The following MYO3A variants were observed in gnomAD, a reference collection of about 807,000 sequenced individuals.
MYO3A encodes myosin-IIIa.
A neutral mutation model predicts 192.7 loss-of-function variants in MYO3A; 180 were observed. The observed-to-expected ratio is 0.93, with a 90% CI of 0.83 to 1.06. MYO3A has a LOEUF of 1.06. MYO3A is among the 50% of genes least tolerant of loss of function. The pLI is 0.00. For synonymous variants in MYO3A, 628 were observed against 645.3 expected (o/e 0.97, Z 0.41); for missense variants, 1,896 against 1,905.0 (o/e 1.00, Z 0.09).
chr10:25,983,684 G>A (rs1168200253), intron 4 of MYO3A, among the ~76,000 whole-genome samples: 4 of 152,198 alleles, frequency 2.6e-5, no homozygotes, highest in African/African-American at 7.2e-5. Flanking sequence ...AAACATATTT[G>A]AGGGAATAAT....
chr10:26,015,800 C>G (rs1841952896), intron 6 of MYO3A, among the ~76,000 whole-genome samples: 1 of 152,142 alleles, frequency 6.6e-6, no homozygotes. Context: ...CTGAAACACC[C>G]ATTTGGTTGC....
At chr10:25,950,218 G>A (rs542526761) in intron 2 of MYO3A, among the ~76,000 whole-genome samples, 1 of 152,170 alleles carries the variant, frequency 6.6e-6, no homozygotes, top group South Asian at 2.1e-4. Context: ...CAGTTACCCC[G>A]GCTAGCAATG....
At chr10:26,010,876 AG>A (rs1427315689) in intron 6 of MYO3A, among the ~76,000 whole-genome samples, 23 of 152,350 alleles carry the variant, frequency 1.5e-4, no homozygotes, top group African/African-American at 4.8e-4. Flanking sequence ...GACTTGCTGA[AG>A]GGCACACTTT....
intron 27 of MYO3A, among the ~76,000 whole-genome samples, chr10:26,168,467 C>A (rs151114364): frequency 6.6e-6 from 1 of 152,272 alleles, no homozygotes; most frequent in Admixed American, 6.5e-5. Context: ...TCTCATCCAA[C>A]AAAACCTAGT....
chr10:25,994,895 G>A (rs1441796893), intron 4 of MYO3A, among the ~76,000 whole-genome samples: 3 of 152,142 alleles, frequency 2.0e-5, no homozygotes, highest in African/African-American at 4.8e-5. Flanking sequence ...AGTCTGATGG[G>A]CTTCCCTTTG....
intron 23 of MYO3A, among the ~76,000 whole-genome samples, chr10:26,152,760 A>T (rs1030997074): frequency 4.6e-5 from 7 of 152,184 alleles, no homozygotes; most frequent in African/African-American, 1.7e-4. Context: ...AGTAAGTTTC[A>T]CATTTTGAAA....
At chr10:26,039,566 C>T (rs1432934493) in intron 10 of MYO3A, among the ~76,000 whole-genome samples, 1 of 151,986 alleles carries the variant, frequency 6.6e-6, no homozygotes, top group Non-Finnish European at 1.5e-5. Flanking sequence ...CTCATTACTT[C>T]ATATTGGTCT....
At chr10:25,999,009 T>C (rs527857175) in intron 6 of MYO3A, among the ~76,000 whole-genome samples, 1 of 152,304 alleles carries the variant, frequency 6.6e-6, no homozygotes, top group South Asian at 2.1e-4. Context: ...ACCATTCTCC[T>C]GCCTGAGCCT....
At chr10:26,183,116 T>C (rs755507002) in intron 31 of MYO3A, among the ~76,000 whole-genome samples, 43 of 152,274 alleles carry the variant, frequency 2.8e-4, no homozygotes, top group Non-Finnish European at 5.4e-4. Context: ...CCAGAGGGTG[T>C]ATCTGTGGGT....
chr10:26,130,457 A>G (rs7909349), intron 20 of MYO3A, among the ~76,000 whole-genome samples: 14,829 of 152,208 alleles, frequency 0.097, 795 homozygotes, highest in Non-Finnish European at 0.12. Context: ...CATGATCCCA[A>G]TGCTCTTAAT....
At chr10:25,937,953 C>A (rs1011755959) in intron 2 of MYO3A, among the ~76,000 whole-genome samples, 2 of 152,148 alleles carry the variant, frequency 1.3e-5, no homozygotes, top group Non-Finnish European at 2.9e-5. Context: ...TAAGCTAGAC[C>A]AGATTTCTGT....
chr10:26,176,635 C>T (rs567494522), intron 30 of MYO3A, 66 bp from the exon 31 acceptor site: 245 of 1,475,512 alleles, frequency 1.7e-4, no homozygotes, highest in Non-Finnish European at 2.1e-4. Context: ...TTCCCAGCCC[C>T]CGGTGCCTGC....
intron 10 of MYO3A, among the ~76,000 whole-genome samples, chr10:26,051,924 T>G (rs773555579): frequency 2.6e-5 from 4 of 152,186 alleles, no homozygotes; most frequent in Non-Finnish European, 5.9e-5. Flanking sequence ...TTACATAAAA[T>G]GTGCCCTGGA....
intron 12 of MYO3A, among the ~76,000 whole-genome samples, chr10:26,069,273 T>TA (rs1335081812): frequency 6.6e-6 from 1 of 152,122 alleles, no homozygotes; most frequent in Admixed American, 6.6e-5. Context: ...ATGTAGATAA[T>TA]ACATACTTAA....
At chr10:26,139,298 T>C (rs1840021944) in intron 20 of MYO3A, among the ~76,000 whole-genome samples, 1 of 151,916 alleles carries the variant, frequency 6.6e-6, no homozygotes, top group African/African-American at 2.4e-5. Flanking sequence ...GTGCAATGAA[T>C]GGCATGATCT....
intron 4 of MYO3A, among the ~76,000 whole-genome samples, chr10:25,991,475 C>A (rs866162633): frequency 6.6e-6 from 1 of 152,148 alleles, no homozygotes; most frequent in African/African-American, 2.4e-5. Flanking sequence ...CCTGTTCACT[C>A]TGATGGTAGT....
intron 26 of MYO3A, among the ~76,000 whole-genome samples, chr10:26,159,632 G>T (rs1841380515): frequency 6.6e-6 from 1 of 152,132 alleles, no homozygotes; most frequent in African/African-American, 2.4e-5. Flanking sequence ...GCCAGCCTCG[G>T]CCTCCCAAAG....
chr10:26,081,137 C>CCCCCCTT (rs1554820890), intron 14 of MYO3A, among the ~76,000 whole-genome samples: 3 of 104,840 alleles, frequency 2.9e-5, no homozygotes, highest in African/African-American at 9.3e-5. Flanking sequence ...TGCCCTTCCC[C>CCCCCCTT]CCCCCCCCGC....
At chr10:26,042,088 A>G (rs1402260946) in intron 10 of MYO3A, among the ~76,000 whole-genome samples, 1 of 152,156 alleles carries the variant, frequency 6.6e-6, no homozygotes, top group Non-Finnish European at 1.5e-5. Flanking sequence ...TTTGCCAGAT[A>G]TACTATTCTA....
Sources: allele counts gnomAD v4.1 joint callset (sites outside exome capture counted in the v4.1 genomes callset), GRCh38; gene constraint gnomAD v4.1.1; transcripts MANE v1.5; gene names NCBI Gene and HGNC (gene_info 2026-07-23, HGNC 2026-07-21).